The following STK26 variants were observed in gnomAD, a reference collection of about 807,000 sequenced individuals.
The protein encoded by STK26 is serine/threonine-protein kinase 26.
STK26 carries 14 observed loss-of-function variants against 34.7 expected under a neutral mutation model. The ratio of observed to expected loss-of-function variants is 0.40; its 90% CI spans 0.27 to 0.63. The LOEUF (loss-of-function observed/expected upper bound fraction) is 0.63. STK26 is among the 30% of genes least tolerant of loss of function. STK26 has a pLI of 0.38. For missense variants in STK26, 226 were observed against 309.1 expected, an observed-to-expected ratio of 0.73 and a Z score of 2.02; for synonymous variants, 100 against 109.8, an observed-to-expected ratio of 0.91 and a Z score of 0.56.
rs930169353 is a variant in STK26 at position 132,066,015 on chromosome X, A to G, written c.331-2200A>G. ...GCTCTGCTACTAAGAACAAGAGGAA[A>G]TAAGAGGGATGTTTAGCAGAGAGTG... On this transcript the variant is annotated intron_variant, in intron 4 of 11. Coordinates refer to ENST00000394334, the MANE Select transcript of STK26 (RefSeq NM_016542.4). Among the ~76,000 whole-genome samples the G allele has an allele frequency of 7.2e-5, 8 of 111,767 alleles. No homozygotes were observed. The Admixed American group carries it at 7.6e-4, about 11-fold the overall frequency.
chrX:132,066,921 G>A (rs1927244556), intron 4 of STK26, among the ~76,000 whole-genome samples: 1 of 111,507 alleles, frequency 9.0e-6, no homozygotes, highest in Non-Finnish European at 1.9e-5. Flanking sequence ...TTGTCCTTTA[G>A]TTATTTTGTA....
chrX:132,058,828 C>T (rs1432668863), intron 3 of STK26, among the ~76,000 whole-genome samples: 2 of 110,557 alleles, frequency 1.8e-5, no homozygotes, highest in Non-Finnish European at 3.8e-5. Flanking sequence ...GAACATGTTG[C>T]TTCATGATAA....
At chrX:132,043,124 C>A (rs1334981113) in intron 2 of STK26, among the ~76,000 whole-genome samples, 1 of 111,896 alleles carries the variant, frequency 8.9e-6, no homozygotes, top group Non-Finnish European at 1.9e-5. Flanking sequence ...TGGAGTTCCA[C>A]ATCTAGAAGA....
intron 4 of STK26, among the ~76,000 whole-genome samples, chrX:132,065,950 C>T (rs1424743259): frequency 9.0e-6 from 1 of 111,520 alleles, no homozygotes; most frequent in African/African-American, 3.3e-5. Flanking sequence ...TAAATGCTAT[C>T]ATTTGGGGGA....
At chrX:132,062,335 G>A (rs1362190340) in intron 3 of STK26, among the ~76,000 whole-genome samples, 1 of 112,019 alleles carries the variant, frequency 8.9e-6, no homozygotes, top group Non-Finnish European at 1.9e-5. Flanking sequence ...GGGTTTAATG[G>A]TTTATTCCAG....
At chrX:132,072,453 C>T in intron 9 of STK26, 92 bp downstream of exon 9, 2 of 698,235 alleles carry the variant, frequency 2.9e-6, no homozygotes, top group Non-Finnish European at 4.4e-6. Context: ...GGATTGAATA[C>T]CCCTAAATGC....
intron 3 of STK26, among the ~76,000 whole-genome samples, chrX:132,059,011 T>C (rs1902273637): frequency 8.9e-6 from 1 of 111,890 alleles, no homozygotes; most frequent in Non-Finnish European, 1.9e-5. Flanking sequence ...AATCACTTTC[T>C]TAAATTGACC....
chrX:132,058,812 T>C, intron 3 of STK26, among the ~76,000 whole-genome samples: 1 of 111,110 alleles, frequency 9.0e-6, no homozygotes, highest in Non-Finnish European at 1.9e-5. Flanking sequence ...AAAACACTAC[T>C]TTGAAGAACA....
Position 132,070,995 on chromosome X carries a change from A to AT in STK26, c.784-66dup, listed in dbSNP as rs773015859. The AT allele has an allele frequency of 1.3e-3, 1,329 of 1,045,439 alleles. 8 individuals carry two copies. In the African/African-American group the frequency reaches 0.02, roughly 16 times the overall value. The allele number at this position is 1,045,439 out of a possible 1,213,427, so 86.2% of individuals were successfully genotyped here. A position where few individuals can be genotyped will look rare whatever the true frequency, so the allele number is the denominator to read the frequency against. On this transcript the variant is annotated intron_variant, in intron 7 of 11. Transcript: ENST00000394334. The stretch of plus-strand genomic sequence containing the variant: ...ACCTTTCAGCTTAATAATTCAAATG[A>AT]TTTTTTTTACCATTCCTTGTAATCA...
Position 132,023,414 on chromosome X carries a change from T to C in STK26, c.-111+7T>C, listed in dbSNP as rs780766999. 7 of 555,230 alleles carry C rather than the reference T, an allele frequency of 1.3e-5. No individual in the cohort carries two copies. In the East Asian group the frequency reaches 1.7e-4, roughly 13 times the overall value. 45.8% of individuals were successfully genotyped at this position (555,230 alleles called of 1,213,427 possible). ...GCGGGCGGGCGCCAGAAAGGTAGACTGAGTCCCAGGGAGCTGCGCCGCTAA... is the reference window on the plus strand; with the variant it reads ...GCGGGCGGGCGCCAGAAAGGTAGACCGAGTCCCAGGGAGCTGCGCCGCTAA... On this transcript the variant is annotated splice_region_variant and intron_variant, in intron 1 of 11. Coordinates refer to ENST00000394334, the MANE Select transcript of STK26 (RefSeq NM_016542.4).
chrX:132,072,785 G>A (rs1180141449), intron 9 of STK26, 28 bp from the exon 10 acceptor site: 4 of 1,175,793 alleles, frequency 3.4e-6, no homozygotes. Context: ...TTAATTTCAT[G>A]TGTATAATCT....
At chrX:132,030,182 T>C (rs1925778530) in intron 2 of STK26, among the ~76,000 whole-genome samples, 1 of 112,147 alleles carries the variant, frequency 8.9e-6, no homozygotes, top group Non-Finnish European at 1.9e-5. Context: ...TTGTAACTAA[T>C]CATCTGTCCA....
intron 2 of STK26, among the ~76,000 whole-genome samples, chrX:132,028,307 T>C (rs1260819481): frequency 5.4e-5 from 6 of 110,949 alleles, no homozygotes; most frequent in African/African-American, 9.9e-5. Context: ...GAAGGAAAAG[T>C]TAAAGACTGT....
intron 3 of STK26, among the ~76,000 whole-genome samples, chrX:132,062,386 C>T (rs1367718759): frequency 2.7e-5 from 3 of 112,311 alleles, no homozygotes; most frequent in African/African-American, 9.7e-5. Context: ...TGTGTGTACA[C>T]CTGTTTTAGA....
chrX:132,061,041 G>A (rs1022427381), intron 3 of STK26, among the ~76,000 whole-genome samples: 4 of 111,897 alleles, frequency 3.6e-5, no homozygotes, highest in Non-Finnish European at 7.5e-5. Flanking sequence ...CTATGAACAC[G>A]TTTTACTGAC....
At chrX:132,042,734 A>G (rs1352183982) in intron 2 of STK26, among the ~76,000 whole-genome samples, 1 of 111,261 alleles carries the variant, frequency 9.0e-6, no homozygotes, top group Non-Finnish European at 1.9e-5. Context: ...ATTAGAGACC[A>G]TTCTTTTGTT....
At chrX:132,056,199 G>A (rs1926850324) in intron 3 of STK26, among the ~76,000 whole-genome samples, 1 of 112,028 alleles carries the variant, frequency 8.9e-6, no homozygotes, top group South Asian at 3.7e-4. Context: ...TCTTTTGGTG[G>A]TGAGATGTCT....
intron 2 of STK26, among the ~76,000 whole-genome samples, chrX:132,032,390 C>CT (rs1250321182): frequency 8.9e-6 from 1 of 112,006 alleles, no homozygotes; most frequent in African/African-American, 3.3e-5. Context: ...TTCACTTTCT[C>CT]TTTTTTGGTC....
chrX:132,049,792 C>T (rs1306126436), intron 2 of STK26, among the ~76,000 whole-genome samples: 2 of 112,190 alleles, frequency 1.8e-5, no homozygotes, highest in Non-Finnish European at 3.8e-5. Context: ...TATATACAGG[C>T]CAGTCTTTGT....
Sources: gnomAD v4.1 joint callset for allele counts (sites outside exome capture counted in the v4.1 genomes callset) on GRCh38, gnomAD v4.1.1 for gene constraint, MANE v1.5 for transcripts, NCBI Gene and HGNC (gene_info 2026-07-23, HGNC 2026-07-21) for gene names.